The following CCDC154 variants were observed in gnomAD, a reference collection of about 807,000 sequenced individuals.
CCDC154 encodes the protein coiled-coil domain containing 154, also known as coiled-coil domain-containing protein 154.
CCDC154 carries 91 observed loss-of-function variants against 87.5 expected under a neutral mutation model. That is an observed-to-expected ratio of 1.04 (90% CI 0.88 to 1.24). The LOEUF (loss-of-function observed/expected upper bound fraction) is 1.24. Among genes scored for constraint, CCDC154 ranks in the 50% most tolerant of loss-of-function variants. The pLI, the probability that CCDC154 is intolerant of heterozygous loss-of-function variation, is 0.00. For missense variants in CCDC154, 903 were observed against 879.2 expected (o/e 1.03, Z -0.34); for synonymous variants, 418 against 400.4 (o/e 1.04, Z -0.52).
chr16:1,434,936 G>A lies in CCDC154; in HGVS notation c.1693-84C>T, dbSNP rs2038487560. ...AACGGGGGCTTATCTCCCACCGGGA[G>A]CCTGGAAGCCATTTATCTTCAGGGA... On this transcript the variant is annotated intron_variant, in intron 15 of 16. Coordinates refer to ENST00000389176, the MANE Select transcript of CCDC154 (RefSeq NM_001143980.3). 3 of 1,432,888 alleles carry A rather than the reference G, an allele frequency of 2.1e-6. No homozygotes were observed. The African/African-American group carries it at 4.3e-5, about 20-fold the overall frequency. 88.8% of individuals were successfully genotyped at this position (1,432,888 alleles called of 1,614,324 possible).
At chr16:1,438,764 G>A in intron 8 of CCDC154, 27 bp from the exon 9 acceptor site, 1 of 1,546,152 alleles carries the variant, frequency 6.5e-7, no homozygotes, top group Non-Finnish European at 8.7e-7. Context: ...GCCGCCCTGA[G>A]ACCTGCACCC....
rs1041573077 is a variant in CCDC154 at position 1,438,815 on chromosome 16, C to T, written c.906G>A (p.Glu302=). Residue 302 remains glutamate, a splice_region_variant and synonymous_variant, in exon 8 of 17, where the codon GAG becomes GAA. Coordinates refer to ENST00000389176, the MANE Select transcript of CCDC154 (RefSeq NM_001143980.3). The part of the protein sequence containing the change: ...ERLRALQGQH[E]ESHLLEQCQG... Reference sequence around the variant, plus strand: ...CTGCCCGCCGCCCGCCCGGCCCCACCTCATGCTGCCCCTGCAGGGCCCGCA... The same window carrying T: ...CTGCCCGCCGCCCGCCCGGCCCCACTTCATGCTGCCCCTGCAGGGCCCGCA... 9.3e-5 allele frequency: 144 copies of T among 1,542,700 alleles called. No individual in the cohort carries two copies. Among genetic ancestry groups the T allele is most frequent in the Non-Finnish European group, 1.2e-4 (139 of 1,144,098 alleles).
rs572943366 is a variant in CCDC154, at chr16:1,438,622, G to A, written c.1022C>T (p.Ala341Val). ...LNRVLLAEEK[A>V]WDAKGRLEES... ...CCTGAGGCCCCAGGACACCCACCAG[G>A]CTTTCTCCTCGGCCAGTAGGACACG... Residue 341 changes from alanine to valine, a missense_variant, in exon 9 of 17, where the codon GCC (alanine) becomes GTC (valine). Transcript: ENST00000389176. 79 of 1,549,760 alleles carry A rather than the reference G, an allele frequency of 5.1e-5. No homozygotes were observed. In the South Asian group the frequency reaches 7.7e-4, roughly 15 times the overall value.
chr16:1,439,286 C>T (rs1261594450), intron 6 of CCDC154, 160 bp from the exon 7 acceptor site: 19 of 656,746 alleles, frequency 2.9e-5, no homozygotes, highest in Non-Finnish European at 4.5e-5. Context: ...AAGAAAGCCA[C>T]GGCGGGCAGG....
chr16:1,436,087 C>T lies in CCDC154; in HGVS notation c.1488-1G>A, dbSNP rs2038499279. 6.5e-7 allele frequency: 1 copy of T among 1,549,480 alleles called. No individual in the cohort carries two copies. The highest frequency in any genetic ancestry group is 8.7e-7 in the Non-Finnish European group (1 of 1,146,398). The stretch of plus-strand genomic sequence containing the variant: ...CCGCAGGGCCCCAACCTTGAACTCC[C>T]TATGGGCACCAGAGGCCGAGGCTGG... On this transcript the variant is annotated splice_acceptor_variant, in intron 13 of 16. Transcript: ENST00000389176. LOFTEE classifies it high-confidence loss of function.
Position 1,434,729 on chromosome 16 carries a change from T to C in CCDC154, c.1816A>G (p.Lys606Glu). The C allele has an allele frequency of 6.5e-7, 1 of 1,546,646 alleles. No homozygotes were observed. Among genetic ancestry groups the C allele is most frequent in the Non-Finnish European group, 8.7e-7 (1 of 1,146,816 alleles). ...ACCACCTTGCCAGGCGCCATGTCCT[T>C]GATGAAGACCCGCGGCCTCACCAGG... ...PSLVRPRVFI[K>E]DMAPGKVVPM... is the part of the protein sequence containing the mutation. The change falls in exon 16 of 17, where the codon AAG becomes GAG. Residue 606 changes from lysine (K) to glutamate (E), a missense_variant. By Grantham distance (56) the Lys-to-Glu change is moderately conservative (BLOSUM62 1). Transcript: ENST00000389176.
intron 11 of CCDC154, 23 bp from the exon 12 acceptor site, chr16:1,436,834 G>A (rs1397801615): frequency 6.5e-7 from 1 of 1,549,966 alleles, no homozygotes; most frequent in Non-Finnish European, 8.7e-7. Context: ...TGCCCAGTGA[G>A]GGACAAAGCC....
At chr16:1,442,660 G>A (rs1006373489) in intron 5 of CCDC154, 131 bp from the exon 6 acceptor site, 37 of 1,119,440 alleles carry the variant, frequency 3.3e-5, no homozygotes, top group East Asian at 7.8e-5. Context: ...ACAGAGGAAT[G>A]GGAAACACAG....
rs1244295382 is a variant in CCDC154 at position 1,440,468 on chromosome 16, GAAGAGAAGAGAAGAGAAGAGAACAGAA to G, written c.676-1369_676-1343del. 2.2e-3 allele frequency among the ~76,000 whole-genome samples: 328 copies of G among 147,702 alleles called. 1 individual carries two copies. The highest frequency in any genetic ancestry group is 7.8e-3 in the African/African-American group (304 of 38,824). ...CCATCTCAGAAAAGAAAAGAGAAGGGAAGAGAAGAGAAGAGAAGAGAACAGAAAAGAGAAGAGAAGAGAAGAGAAGAG... is the reference window on the plus strand; with the variant it reads ...CCATCTCAGAAAAGAAAAGAGAAGGGAAGAGAAGAGAAGAGAAGAGAAGAG... On this transcript the variant is annotated intron_variant, in intron 6 of 16. Coordinates refer to ENST00000389176, the MANE Select transcript of CCDC154 (RefSeq NM_001143980.3).
At position 1,443,844 on chromosome 16, in the gene CCDC154, G is replaced by A; in HGVS notation, c.176C>T (p.Ser59Phe). ...CTTGGCGGTGTCCTGCTCGGGGACAGAGGCCGTGGATGTCGGATGGCTGGA... is the reference window on the plus strand; with the variant it reads ...CTTGGCGGTGTCCTGCTCGGGGACAAAGGCCGTGGATGTCGGATGGCTGGA... The part of the protein sequence containing the change: ...YESSHPTSTA[S>F]VPEQDTAKHW... The change falls in exon 2 of 17, where the codon TCT (serine) becomes TTT (phenylalanine). Residue 59 changes from serine (S) to phenylalanine (F), a missense_variant. Ser to Phe is a radical substitution (Grantham distance 155). Transcript: ENST00000389176. 1 of 1,304,428 alleles carries A rather than the reference G, an allele frequency of 7.7e-7. No homozygotes were observed. Among genetic ancestry groups the A allele is most frequent in the Non-Finnish European group, 1.0e-6 (1 of 989,094 alleles). The allele number at this position is 1,304,428 out of a possible 1,614,324, so 80.8% of individuals were successfully genotyped here.
Position 1,443,967 on chromosome 16 carries a change from A to T in CCDC154, c.53T>A (p.Leu18Gln), listed in dbSNP as rs2038585161. 7.7e-7 allele frequency: 1 copy of T among 1,303,000 alleles called. No individual in the cohort carries two copies. Among genetic ancestry groups the T allele is most frequent in the African/African-American group, 1.5e-5 (1 of 65,880 alleles). The allele number at this position is 1,303,000 out of a possible 1,614,324, so 80.7% of individuals were successfully genotyped here. A position where few individuals can be genotyped will look rare whatever the true frequency, so the allele number is the denominator to read the frequency against. Residue 18 changes from leucine (L) to glutamine (Q), a missense_variant, in exon 2 of 17, where the codon CTG becomes CAG. By Grantham distance (113) the Leu-to-Gln change is moderately radical (BLOSUM62 -2). Transcript: ENST00000389176. ...CAGGTCTTCCAGGGTGACGGCTCTC[A>T]GCTGGGAAGGGGCCGATGCCCCTGA... ...GPSGASAPSQ[L>Q]RAVTLEDLGL... is the part of the protein sequence containing the mutation.
At chr16:1,439,556 A>AG (rs1305039584) in intron 6 of CCDC154, among the ~76,000 whole-genome samples, 1 of 151,026 alleles carries the variant, frequency 6.6e-6, no homozygotes, top group African/African-American at 2.4e-5. Context: ...AGGGGAGGGG[A>AG]GGGGGGAGGC....
At chr16:1,440,541 A>G (rs888950221) in intron 6 of CCDC154, among the ~76,000 whole-genome samples, 2 of 152,036 alleles carry the variant, frequency 1.3e-5, no homozygotes, top group African/African-American at 4.8e-5. Context: ...AGAAAGGAAA[A>G]GAGAAAAGAA....
In CCDC154 at chr16:1,439,061, G is replaced by A. The variant is rs375024782; in HGVS notation, c.741C>T (p.Cys247=). 942 of 1,550,284 alleles carry A rather than the reference G, an allele frequency of 6.1e-4. 4 individuals are homozygous for A. Among genetic ancestry groups the A allele is most frequent in the South Asian group, 4.8e-3 (400 of 84,062 alleles). Reference sequence around the variant, plus strand: ...CCAGGAAGCTCTTCTGCAGGAAGCCGCACAGCTTGGCCTCCCTCTTCAGGA... The same window carrying A: ...CCAGGAAGCTCTTCTGCAGGAAGCCACACAGCTTGGCCTCCCTCTTCAGGA... ...LRFLKREAKL[C]GFLQKSFLAL... is the part of the protein sequence containing the mutation. The change falls in exon 7 of 17, where the codon TGC becomes TGT. Residue 247 remains cysteine (C), a synonymous_variant. Transcript: ENST00000389176.
At position 1,434,847 on chromosome 16, in the gene CCDC154, C is replaced by T. The variant is rs527249031; in HGVS notation, c.1698G>A (p.Thr566=). The T allele has an allele frequency of 1.3e-5, 20 of 1,505,866 alleles. No individual in the cohort carries two copies. The African/African-American group carries it at 2.1e-4, about 16-fold the overall frequency. 93.3% of individuals were successfully genotyped at this position (1,505,866 alleles called of 1,614,324 possible). A position where few individuals can be genotyped will look rare whatever the true frequency, so the allele number is the denominator to read the frequency against. Residue 566 remains threonine (T), a synonymous_variant, in exon 16 of 17, where the codon ACG becomes ACA. Coordinates refer to ENST00000389176, the MANE Select transcript of CCDC154 (RefSeq NM_001143980.3). The part of the protein sequence containing the change: ...LRFNTEARLR[T]QEMATLWESV... ...TCTCCCACAGGGTGGCCATCTCCTG[C>T]GTGCGCTGTGGGACGGGGATGCTGG...
chr16:1,443,747 G>A (rs563152277), intron 2 of CCDC154, 49 bp downstream of exon 2: 2 of 1,303,812 alleles, frequency 1.5e-6, no homozygotes, highest in East Asian at 5.4e-5. Flanking sequence ...TGGAGGCGGA[G>A]GCGGCGGCGA....
intron 12 of CCDC154, 46 bp from the exon 13 acceptor site, chr16:1,436,567 A>G: frequency 6.5e-7 from 1 of 1,546,564 alleles, no homozygotes. Flanking sequence ...GGCGCCATCT[A>G]GGACCAGCCT....
chr16:1,437,716 C>G (rs1596203372), intron 11 of CCDC154, 101 bp downstream of exon 11: 8 of 1,355,540 alleles, frequency 5.9e-6, no homozygotes, highest in Non-Finnish European at 6.8e-6. Context: ...GGCTTGGGAC[C>G]GGCCTGTCAG....
intron 1 of CCDC154, 108 bp from the exon 2 acceptor site, chr16:1,444,120 T>C (rs2038587475): frequency 9.8e-7 from 1 of 1,023,266 alleles, no homozygotes; most frequent in South Asian, 1.5e-5. Flanking sequence ...CACCCAGAGC[T>C]CAACGCGTCT....
Sources: allele counts gnomAD v4.1 joint callset (sites outside exome capture counted in the v4.1 genomes callset), GRCh38; gene constraint gnomAD v4.1.1; transcripts MANE v1.5; gene names NCBI Gene and HGNC (gene_info 2026-07-23, HGNC 2026-07-21).